PDE1C: variants seen among roughly 807,000 people sequenced by gnomAD.
PDE1C encodes phosphodiesterase 1C, also known as dual specificity calcium/calmodulin-dependent 3',5'-cyclic nucleotide phosphodiesterase 1C.
PDE1C carries 62 observed loss-of-function variants against 93.1 expected under a neutral mutation model. The observed-to-expected ratio is 0.67, with a 90% CI of 0.54 to 0.82. The LOEUF is 0.82. Among genes scored for constraint, PDE1C ranks in the 40% least tolerant of loss-of-function variants. The probability of loss-of-function intolerance (pLI) is 0.00; values close to 1 mark genes in which losing one functional copy is unlikely to be tolerated. For missense variants in PDE1C, 742 were observed against 884.6 expected, an observed-to-expected ratio of 0.84 and a Z score of 2.04; for synonymous variants, 325 against 310.1, an observed-to-expected ratio of 1.05 and a Z score of -0.50.
intron 3 of PDE1C, among the ~76,000 whole-genome samples, chr7:32,161,071 C>G (rs961483168): frequency 6.6e-6 from 1 of 152,146 alleles, no homozygotes; most frequent in Non-Finnish European, 1.5e-5. Flanking sequence ...ATAGGAGGTT[C>G]GTGAGCTAAA....
intron 3 of PDE1C, among the ~76,000 whole-genome samples, chr7:32,163,986 A>C (rs1054061124): frequency 2.0e-5 from 3 of 152,226 alleles, no homozygotes; most frequent in Admixed American, 6.5e-5. Flanking sequence ...TACTGTTTGC[A>C]TGTGAAAAAT....
intron 2 of PDE1C, among the ~76,000 whole-genome samples, chr7:31,985,069 A>T (rs11975926): frequency 2.6e-5 from 4 of 152,194 alleles, no homozygotes; most frequent in Admixed American, 2.6e-4. Flanking sequence ...CCTAAAGAAC[A>T]AACCCTGGGA....
the PDE1C span, among the ~76,000 whole-genome samples, chr7:31,701,043 A>C: frequency 6.6e-6 from 1 of 151,374 alleles, no homozygotes; most frequent in Non-Finnish European, 1.5e-5. Context: ...CCCTGGATTG[A>C]GGAGTTACTT....
intron 2 of PDE1C, among the ~76,000 whole-genome samples, chr7:32,177,082 T>C (rs959572039): frequency 9.2e-5 from 14 of 152,306 alleles, no homozygotes; most frequent in Middle Eastern, 3.4e-3. Context: ...GTAAAAAACA[T>C]GTCACAGGAA....
intron 1 of PDE1C, among the ~76,000 whole-genome samples, chr7:32,412,428 T>G (rs1785189133): frequency 6.8e-6 from 1 of 146,022 alleles, no homozygotes; most frequent in East Asian, 2.0e-4. Flanking sequence ...TGCACTACAG[T>G]CTAGGTGACA....
At chr7:32,356,825 T>A (rs1354609152) in intron 1 of PDE1C, among the ~76,000 whole-genome samples, 1 of 152,234 alleles carries the variant, frequency 6.6e-6, no homozygotes. Context: ...AAATGAACTA[T>A]GAATAAGTGT....
the PDE1C span, among the ~76,000 whole-genome samples, chr7:31,642,429 G>A: frequency 6.6e-6 from 1 of 152,322 alleles, no homozygotes; most frequent in Middle Eastern, 3.4e-3. Flanking sequence ...CACCCAAGGG[G>A]CAGAGGATGA....
chr7:32,063,858 C>G (rs1795084400), intron 1 of PDE1C, among the ~76,000 whole-genome samples: 1 of 152,104 alleles, frequency 6.6e-6, no homozygotes, highest in Non-Finnish European at 1.5e-5. Flanking sequence ...GATTTTTAAC[C>G]TTTTCACATG....
intron 2 of PDE1C, among the ~76,000 whole-genome samples, chr7:32,011,293 C>CTT (rs1563190009): frequency 4.0e-5 from 6 of 151,846 alleles, no homozygotes; most frequent in African/African-American, 1.2e-4. Flanking sequence ...CCCGGGTTCA[C>CTT]GCCATTCTCC....
intron 2 of PDE1C, among the ~76,000 whole-genome samples, chr7:31,997,661 T>C (rs1322821159): frequency 6.6e-6 from 1 of 152,236 alleles, no homozygotes; most frequent in Non-Finnish European, 1.5e-5. Flanking sequence ...CTGTTGCTCA[T>C]CAAAGATAAC....
chr7:31,826,706 A>G (rs1789711815), intron 12 of PDE1C, among the ~76,000 whole-genome samples: 1 of 152,124 alleles, frequency 6.6e-6, no homozygotes, highest in Non-Finnish European at 1.5e-5. Flanking sequence ...GATATTCATC[A>G]TCTCTTCTTT....
intron 1 of PDE1C, among the ~76,000 whole-genome samples, chr7:32,366,600 G>C (rs1011914537): frequency 1.3e-5 from 2 of 152,236 alleles, no homozygotes; most frequent in East Asian, 3.9e-4. Flanking sequence ...AACCCAAACT[G>C]GTCCTCTCTG....
At chr7:32,077,994 T>A in intron 3 of PDE1C, 1 of 985,434 alleles carries the variant, frequency 1.0e-6, no homozygotes, top group African/African-American at 1.7e-5. Context: ...TCTGGCTCCG[T>A]GGACATTCTG....
rs71559206 is a variant in PDE1C, at chr7:31,875,793, CTATATATATATATATA to C, written c.492+2161_492+2176del. 4.9e-3 allele frequency among the ~76,000 whole-genome samples: 213 copies of C among 43,112 alleles called. 13 individuals are homozygous for C. The highest frequency in any genetic ancestry group is 0.013 in the African/African-American group (183 of 13,978). The allele number at this position is 43,112 out of a possible 152,430, so 28.3% of individuals were successfully genotyped here. A position where few individuals can be genotyped will look rare whatever the true frequency, so the allele number is the denominator to read the frequency against. The stretch of plus-strand genomic sequence containing the variant: ...AACACCTCAAGTTAGAAGCTTACAT[CTATATATATATATATA>C]TATATATATATATATATATATATAT... On this transcript the variant is annotated intron_variant, in intron 5 of 17. Transcript: ENST00000396191.
At chr7:31,729,478 G>A in the PDE1C span, among the ~76,000 whole-genome samples, 1 of 152,308 alleles carries the variant, frequency 6.6e-6, no homozygotes, top group African/African-American at 2.4e-5. Flanking sequence ...TTTCCCAGTT[G>A]CATTGCATTT....
chr7:32,316,513 C>T (rs958139711), intron 1 of PDE1C, among the ~76,000 whole-genome samples: 1 of 152,158 alleles, frequency 6.6e-6, no homozygotes, highest in African/African-American at 2.4e-5. Context: ...TCACCATACA[C>T]GGCAAGCTGA....
chr7:32,354,934 G>A (rs1253421020), intron 1 of PDE1C, among the ~76,000 whole-genome samples: 2 of 152,190 alleles, frequency 1.3e-5, no homozygotes, highest in East Asian at 3.9e-4. Context: ...TCTTTGCAAA[G>A]GCAATTCTGA....
At chr7:32,389,661 T>G (rs1163264422) in intron 1 of PDE1C, among the ~76,000 whole-genome samples, 1 of 152,198 alleles carries the variant, frequency 6.6e-6, no homozygotes, top group African/African-American at 2.4e-5. Context: ...GCATAAATTG[T>G]TATGAAGAAA....
At chr7:32,168,395 A>G (rs567032807) in intron 3 of PDE1C, among the ~76,000 whole-genome samples, 7 of 152,182 alleles carry the variant, frequency 4.6e-5, no homozygotes, top group South Asian at 2.1e-4. Flanking sequence ...CGGTGAGCAA[A>G]TAAGATGTTA....
Sources: gnomAD v4.1 joint callset for allele counts (sites outside exome capture counted in the v4.1 genomes callset) on GRCh38, gnomAD v4.1.1 for gene constraint, MANE v1.5 for transcripts, NCBI Gene and HGNC (gene_info 2026-07-23, HGNC 2026-07-21) for gene names.